GPR158: variants seen among roughly 807,000 people sequenced by gnomAD.
GPR158 encodes the protein G protein-coupled receptor 158.
Under a neutral mutation model 78.2 loss-of-function variants are expected in GPR158, and 30 were observed. The observed-to-expected ratio is 0.38, with a 90% CI of 0.29 to 0.52. The LOEUF (loss-of-function observed/expected upper bound fraction) is 0.52, where lower values mean the gene tolerates loss of function less well. GPR158 is among the 20% of genes least tolerant of loss of function. The pLI, the probability that GPR158 is intolerant of heterozygous loss-of-function variation, is 0.83. For synonymous variants in GPR158, 581 were observed against 591.1 expected (o/e 0.98, Z 0.25); for missense variants, 1,463 against 1,523.5 (o/e 0.96, Z 0.66).
chr10:25,262,731 C>T (rs1255150505), intron 2 of GPR158, among the ~76,000 whole-genome samples: 1 of 152,156 alleles, frequency 6.6e-6, no homozygotes, highest in African/African-American at 2.4e-5. Flanking sequence ...TCCTTATCAT[C>T]TGGAGTTCAT....
Position 25,434,142 on chromosome 10 carries a change from C to G in GPR158, c.1335+21669C>G, listed in dbSNP as rs1467504026. The stretch of plus-strand genomic sequence containing the variant: ...CGCCACTGCACTCCAGCCTGGGCGA[C>G]ACAGCAAGACTCTGTCTCAAAAAAA... On this transcript the variant is annotated intron_variant, in intron 4 of 10. Coordinates refer to ENST00000376351, the MANE Select transcript of GPR158 (RefSeq NM_020752.3). Among the ~76,000 whole-genome samples, 12 of 152,144 alleles carry G rather than the reference C, an allele frequency of 7.9e-5. No individual in the cohort carries two copies. In the East Asian group the frequency reaches 2.1e-3, roughly 27 times the overall value.
intron 5 of GPR158, among the ~76,000 whole-genome samples, chr10:25,467,984 T>A (rs2130619371): frequency 6.6e-6 from 1 of 152,238 alleles, no homozygotes; most frequent in East Asian, 1.9e-4. Flanking sequence ...GCATTAGATA[T>A]GAATTCTGCC....
intron 3 of GPR158, among the ~76,000 whole-genome samples, chr10:25,409,253 G>T (rs1252510098): frequency 1.3e-5 from 2 of 151,018 alleles, no homozygotes; most frequent in Admixed American, 1.3e-4. Flanking sequence ...TTCTCTGTCT[G>T]TGACTGTTCT....
intron 5 of GPR158, among the ~76,000 whole-genome samples, chr10:25,483,121 T>C (rs2130638461): frequency 6.6e-6 from 1 of 152,096 alleles, no homozygotes; most frequent in Non-Finnish European, 1.5e-5. Flanking sequence ...TTATAGTCTA[T>C]TTTCAACACA....
At chr10:25,408,539 T>C (rs1047227392) in intron 3 of GPR158, among the ~76,000 whole-genome samples, 1 of 152,230 alleles carries the variant, frequency 6.6e-6, no homozygotes, top group African/African-American at 2.4e-5. Flanking sequence ...CTTTTGACAC[T>C]GTAGTCACCA....
intron 5 of GPR158, among the ~76,000 whole-genome samples, chr10:25,469,036 G>T (rs1272074861): frequency 6.6e-6 from 1 of 152,046 alleles, no homozygotes; most frequent in East Asian, 1.9e-4. Context: ...TACGGCTGCC[G>T]GGACATCAGA....
chr10:25,250,742 C>T (rs1202028963), intron 2 of GPR158, among the ~76,000 whole-genome samples: 1 of 136,654 alleles, frequency 7.3e-6, no homozygotes, highest in Non-Finnish European at 1.6e-5. Flanking sequence ...AGTATGTGGT[C>T]AGTTTTGGAA....
chr10:25,479,960 T>A (rs189928410), intron 5 of GPR158, among the ~76,000 whole-genome samples: 177 of 152,276 alleles, frequency 1.2e-3, no homozygotes, highest in African/African-American at 3.9e-3. Flanking sequence ...ATTTCAGTTA[T>A]GTTTATCCTG....
chr10:25,190,481 C>T (rs1852759200), intron 1 of GPR158, among the ~76,000 whole-genome samples: 1 of 152,078 alleles, frequency 6.6e-6, no homozygotes, highest in Non-Finnish European at 1.5e-5. Context: ...TACAGGTGTG[C>T]ACCACCATGC....
chr10:25,362,867 A>C (rs1855661181), intron 2 of GPR158, among the ~76,000 whole-genome samples: 1 of 151,912 alleles, frequency 6.6e-6, no homozygotes, highest in African/African-American at 2.4e-5. Flanking sequence ...CCTTGTCTCT[A>C]ATAACTGCTT....
intron 4 of GPR158, among the ~76,000 whole-genome samples, chr10:25,448,083 CTTTT>C (rs35421884): frequency 3.4e-5 from 4 of 118,128 alleles, no homozygotes; most frequent in Admixed American, 8.9e-5. Flanking sequence ...TGTCTGACTT[CTTTT>C]TTTTTTTTTT....
chr10:25,318,003 G>A (rs1040144006), intron 2 of GPR158, among the ~76,000 whole-genome samples: 3 of 152,150 alleles, frequency 2.0e-5, no homozygotes, highest in South Asian at 2.1e-4. Flanking sequence ...GATTACAAGC[G>A]TGAGTCACCG....
At chr10:25,268,496 A>G (rs1229341880) in intron 2 of GPR158, among the ~76,000 whole-genome samples, 5 of 152,144 alleles carry the variant, frequency 3.3e-5, no homozygotes, top group South Asian at 4.1e-4. Flanking sequence ...TTTATTGTAT[A>G]TAAATTGTAC....
intron 5 of GPR158, among the ~76,000 whole-genome samples, chr10:25,496,831 TG>T (rs1174839839): frequency 6.6e-6 from 1 of 152,170 alleles, no homozygotes; most frequent in African/African-American, 2.4e-5. Flanking sequence ...ACACAAACCT[TG>T]TTGCAGTTGG....
chr10:25,277,980 A>T (rs912894397), intron 2 of GPR158, among the ~76,000 whole-genome samples: 3 of 152,158 alleles, frequency 2.0e-5, no homozygotes, highest in African/African-American at 7.2e-5. Flanking sequence ...ACTTCCCTAT[A>T]GTGTCTAATT....
At chr10:25,412,846 C>T (rs1216775662) in intron 4 of GPR158, among the ~76,000 whole-genome samples, 1 of 152,060 alleles carries the variant, frequency 6.6e-6, no homozygotes, top group Non-Finnish European at 1.5e-5. Context: ...TTTTTCTTTT[C>T]TTAGTTGTGT....
chr10:25,560,887 A>G (rs139698026), intron 6 of GPR158, among the ~76,000 whole-genome samples: 2 of 152,340 alleles, frequency 1.3e-5, no homozygotes, highest in Non-Finnish European at 2.9e-5. Flanking sequence ...CAATCTGGAC[A>G]ATCTTGATTA....
chr10:25,372,727 AG>A (rs1834016644), intron 2 of GPR158, among the ~76,000 whole-genome samples: 1 of 83,532 alleles, frequency 1.2e-5, no homozygotes, highest in African/African-American at 4.7e-5. Context: ...GGGAGGGGGG[AG>A]GGATAGCACT....
At chr10:25,591,207 G>T (rs1837335822) in intron 8 of GPR158, among the ~76,000 whole-genome samples, 1 of 152,070 alleles carries the variant, frequency 6.6e-6, no homozygotes, top group Admixed American at 6.6e-5. Context: ...CACAATGCAA[G>T]TTAGCATGCT....
Sources: allele counts gnomAD v4.1 joint callset (sites outside exome capture counted in the v4.1 genomes callset), GRCh38; gene constraint gnomAD v4.1.1; transcripts MANE v1.5; gene names NCBI Gene and HGNC (gene_info 2026-07-23, HGNC 2026-07-21).